The following KIAA2012 variants were observed in gnomAD, a reference collection of about 807,000 sequenced individuals.
KIAA2012 encodes KIAA2012.
Under a neutral mutation model 150.6 loss-of-function variants are expected in KIAA2012, and 125 were observed. That is an observed-to-expected ratio of 0.83 (90% CI 0.72 to 0.96). The LOEUF is 0.96. Among genes scored for constraint, KIAA2012 ranks in the 40% least tolerant of loss-of-function variants. The pLI is 0.00. For missense variants in KIAA2012, 1,219 were observed against 1,354.9 expected, an observed-to-expected ratio of 0.90 and a Z score of 1.57; for synonymous variants, 462 against 504.7, an observed-to-expected ratio of 0.92 and a Z score of 1.13.
At chr2:202,191,120 T>C (rs963529964) in intron 19 of KIAA2012, among the ~76,000 whole-genome samples, 1 of 151,710 alleles carries the variant, frequency 6.6e-6, no homozygotes, top group African/African-American at 2.4e-5. Flanking sequence ...CTACTAAAAA[T>C]ACAAAAATTA....
At position 202,166,065 on chromosome 2, in the gene KIAA2012, C is replaced by G. The variant is rs555130170; in HGVS notation, c.2119+709C>G. On this transcript the variant is annotated intron_variant, in intron 15 of 23. Coordinates refer to ENST00000498697, the MANE Select transcript of KIAA2012 (RefSeq NM_001277372.4). ...ATGCAGAATGTGAACACTGACAGGG[C>G]TCCAAGGGCTTGGCCAAGTGTGATG... Among the ~76,000 whole-genome samples, 3 of 152,298 alleles carry G rather than the reference C, an allele frequency of 2.0e-5. No individual in the cohort carries two copies. In the South Asian group the frequency reaches 6.2e-4, roughly 32 times the overall value.
intron 7 of KIAA2012, among the ~76,000 whole-genome samples, chr2:202,102,247 C>T (rs566711957): frequency 4.2e-4 from 64 of 152,108 alleles, no homozygotes; most frequent in Non-Finnish European, 8.1e-4. Flanking sequence ...GTTGCTGATT[C>T]TGACACACAA....
chr2:202,133,109 A>AAAAAAAAAATATAT (rs766606713), intron 12 of KIAA2012, among the ~76,000 whole-genome samples: 1 of 87,876 alleles, frequency 1.1e-5, no homozygotes, highest in Non-Finnish European at 2.2e-5. Flanking sequence ...TCTAAAAAAA[A>AAAAAAAAAATATAT]ATATATATAT....
intron 12 of KIAA2012, among the ~76,000 whole-genome samples, chr2:202,126,478 C>T (rs1358461597): frequency 6.6e-6 from 1 of 152,150 alleles, no homozygotes; most frequent in African/African-American, 2.4e-5. Context: ...CCTCTGCATT[C>T]CCCCTTGCCA....
At chr2:202,190,126 C>A in intron 18 of KIAA2012, 48 bp from the exon 19 acceptor site, 1 of 1,413,412 alleles carries the variant, frequency 7.1e-7, no homozygotes, top group Non-Finnish European at 9.4e-7. Flanking sequence ...ATAGTGATCA[C>A]ATTAAGTTAA....
chr2:202,121,287 C>T (rs995036900), intron 11 of KIAA2012, among the ~76,000 whole-genome samples: 7 of 151,712 alleles, frequency 4.6e-5, no homozygotes, highest in Admixed American at 3.3e-4. Context: ...TATCTTTTTG[C>T]GTCTCTTGTT....
At chr2:202,093,322 A>G in intron 4 of KIAA2012, 137 bp downstream of exon 4, 1 of 848,842 alleles carries the variant, frequency 1.2e-6, no homozygotes, top group Non-Finnish European at 1.8e-6. Flanking sequence ...ATGAGGGGTT[A>G]GTGCAGACCA....
Position 202,195,419 on chromosome 2 carries a change from G to A in KIAA2012, c.3187+1057G>A, listed in dbSNP as rs540530549. On this transcript the variant is annotated intron_variant, in intron 21 of 23. Transcript: ENST00000498697. ...TGTAGTCCCAGCTACTTCTTGGGAG[G>A]CTGAGGCAGGAGAATCACTTGAACC... Among the ~76,000 whole-genome samples, 138 of 152,038 alleles carry A rather than the reference G, an allele frequency of 9.1e-4. 1 individual carries two copies. Among genetic ancestry groups the A allele is most frequent in the African/African-American group, 3.1e-3 (130 of 41,494 alleles).
chr2:202,188,231 A>C lies in KIAA2012; in HGVS notation c.2456A>C (p.Glu819Ala), dbSNP rs1031166710. ...ACCAAAGGACCCAAAAGCGAGAGAG[A>C]AGGAAAGGTCTACGGGCAAGCAGAG... Reference protein sequence around the residue: ...DKTKGPKSEREGKVYGQAEAA... With the variant: ...DKTKGPKSERAGKVYGQAEAA... The change falls in exon 18 of 24, where the codon GAA (glutamate) becomes GCA (alanine). Residue 819 changes from glutamate to alanine, a missense_variant. By Grantham distance (107) the Glu-to-Ala change is moderately radical (BLOSUM62 -1). Coordinates refer to ENST00000498697, the MANE Select transcript of KIAA2012 (RefSeq NM_001277372.4). 23 of 1,550,378 alleles carry C rather than the reference A, an allele frequency of 1.5e-5. No individual in the cohort carries two copies. The highest frequency in any genetic ancestry group is 1.9e-5 in the Non-Finnish European group (22 of 1,146,924).
At chr2:202,188,673 A>T (rs948034498) in intron 18 of KIAA2012, among the ~76,000 whole-genome samples, 2 of 152,198 alleles carry the variant, frequency 1.3e-5, no homozygotes, top group Non-Finnish European at 2.9e-5. Flanking sequence ...ATCAGACAGT[A>T]AAGTGGTAGA....
chr2:202,101,404 A>G (rs1312988272), intron 7 of KIAA2012, among the ~76,000 whole-genome samples: 1 of 152,242 alleles, frequency 6.6e-6, no homozygotes, highest in Admixed American at 6.5e-5. Flanking sequence ...TTGGTGCAGG[A>G]GTGAACAGCA....
chr2:202,200,737 G>A (rs1178722788), intron 22 of KIAA2012, among the ~76,000 whole-genome samples: 3 of 142,798 alleles, frequency 2.1e-5, no homozygotes, highest in South Asian at 2.2e-4. Flanking sequence ...ACGGAGTTTC[G>A]CTCTTGTTGC....
intron 12 of KIAA2012, among the ~76,000 whole-genome samples, chr2:202,135,347 C>A (rs1334365959): frequency 2.0e-5 from 3 of 152,166 alleles, no homozygotes; most frequent in African/African-American, 7.2e-5. Flanking sequence ...TTCTGAATGA[C>A]AAAAAAGAAC....
At chr2:202,195,050 G>C (rs999322046) in intron 21 of KIAA2012, among the ~76,000 whole-genome samples, 1 of 151,944 alleles carries the variant, frequency 6.6e-6, no homozygotes, top group Non-Finnish European at 1.5e-5. Context: ...TTACAGGTGT[G>C]AGCCACCGTG....
intron 14 of KIAA2012, among the ~76,000 whole-genome samples, chr2:202,159,816 TG>T (rs1188791169): frequency 6.6e-6 from 1 of 152,188 alleles, no homozygotes; most frequent in African/African-American, 2.4e-5. Context: ...CACTCCAGCC[TG>T]GGCAACAAGA....
intron 19 of KIAA2012, among the ~76,000 whole-genome samples, chr2:202,191,892 T>A (rs76114067): frequency 2.4e-3 from 365 of 152,348 alleles, no homozygotes; most frequent in African/African-American, 8.2e-3. Flanking sequence ...AAGAGTTAAA[T>A]GCAGGTTGCC....
intron 14 of KIAA2012, among the ~76,000 whole-genome samples, chr2:202,158,576 G>A (rs545145639): frequency 6.7e-4 from 102 of 151,584 alleles, no homozygotes; most frequent in African/African-American, 2.3e-3. Flanking sequence ...TGGCCAGGCT[G>A]GTCTCAAACT....
At chr2:202,195,151 G>A (rs577722286) in intron 21 of KIAA2012, among the ~76,000 whole-genome samples, 36 of 152,200 alleles carry the variant, frequency 2.4e-4, no homozygotes, top group African/African-American at 8.7e-4. Context: ...TATATGATAT[G>A]TAATTATCAA....
chr2:202,100,923 T>C (rs1290584887), intron 7 of KIAA2012, among the ~76,000 whole-genome samples: 1 of 152,172 alleles, frequency 6.6e-6, no homozygotes, highest in African/African-American at 2.4e-5. Context: ...CAAATACACC[T>C]TTTTTAGAGA....
Sources: gnomAD v4.1 joint callset for allele counts (sites outside exome capture counted in the v4.1 genomes callset) on GRCh38, gnomAD v4.1.1 for gene constraint, MANE v1.5 for transcripts, NCBI Gene and HGNC (gene_info 2026-07-23, HGNC 2026-07-21) for gene names.